The following ATRAID variants were observed in gnomAD, a reference collection of about 807,000 sequenced individuals.
ATRAID encodes the protein all-trans retinoic acid-induced differentiation factor.
A neutral mutation model predicts 28.8 loss-of-function variants in ATRAID; 26 were observed. The ratio of observed to expected loss-of-function variants is 0.90; its 90% CI spans 0.66 to 1.25. ATRAID has a LOEUF of 1.25. ATRAID is among the 50% of genes most tolerant of loss of function. The pLI, the probability that ATRAID is intolerant of heterozygous loss-of-function variation, is 0.00. For missense variants in ATRAID, 308 were observed against 285.9 expected (o/e 1.08, Z -0.56); for synonymous variants, 131 against 108.5 (o/e 1.21, Z -1.29).
chr2:27,216,668 A>G (rs1214202967), intron 6 of ATRAID, 48 bp downstream of exon 6: 1 of 1,542,902 alleles, frequency 6.5e-7, no homozygotes, highest in Non-Finnish European at 9.0e-7. Flanking sequence ...TGCATAGAGC[A>G]AGTCTTCTCA....
At position 27,217,036 on chromosome 2, in the gene ATRAID, G is replaced by C. The variant is rs1462637439; in HGVS notation, c.*88G>C. The C allele has an allele frequency of 8.3e-7, 1 of 1,211,764 alleles. No homozygotes were observed. Among genetic ancestry groups the C allele is most frequent in the Non-Finnish European group, 1.2e-6 (1 of 868,644 alleles). 75.1% of individuals were successfully genotyped at this position (1,211,764 alleles called of 1,614,324 possible). On this transcript the variant is annotated 3_prime_UTR_variant, in exon 7 of 7. Transcript: ENST00000380171. ...TCTGCTTCCTAGAAAGGCATCTTTC[G>C]CCAGTGGATTCGCCTCAAGGTTGAG...
chr2:27,215,798 C>G (rs1221749606), intron 5 of ATRAID, 45 bp downstream of exon 5: 28 of 1,601,788 alleles, frequency 1.7e-5, no homozygotes, highest in Non-Finnish European at 2.3e-5. Flanking sequence ...TCTTTTCTCC[C>G]TTGTATTTTC....
chr2:27,215,696 A>G lies in ATRAID; in HGVS notation c.430A>G (p.Ile144Val). Residue 144 changes from isoleucine (I) to valine (V), a missense_variant, in exon 5 of 7, where the codon ATA becomes GTA. Physicochemically the swap from Ile to Val is conservative, Grantham distance 29. Transcript: ENST00000380171. Reference sequence around the variant, plus strand: ...TGCCTGGAATACTATCACCTCTTATATAGACAACCAAATCTGTCAAGGGCA... The same window carrying G: ...TGCCTGGAATACTATCACCTCTTATGTAGACAACCAAATCTGTCAAGGGCA... The part of the protein sequence containing the change: ...INAWNTITSY[I>V]DNQICQGQKN... The G allele has an allele frequency of 1.2e-6, 2 of 1,614,262 alleles. No individual in the cohort carries two copies. Among genetic ancestry groups the G allele is most frequent in the African/African-American group, 1.3e-5 (1 of 75,066 alleles).
chr2:27,214,049 G>A (rs911513321), intron 2 of ATRAID, among the ~76,000 whole-genome samples: 1 of 152,138 alleles, frequency 6.6e-6, no homozygotes, highest in African/African-American at 2.4e-5. Context: ...GGGTTCAAGC[G>A]ATTCAGTAAT....
At chr2:27,215,960 G>A (rs957907208) in intron 5 of ATRAID, among the ~76,000 whole-genome samples, 11 of 152,246 alleles carry the variant, frequency 7.2e-5, no homozygotes, top group African/African-American at 2.4e-4. Context: ...CTTTGTGTGA[G>A]CAACAAGGCT....
At position 27,216,515 on chromosome 2, in the gene ATRAID, G is replaced by A. The variant is rs755631465; in HGVS notation, c.488-8G>A. On this transcript the variant is annotated splice_polypyrimidine_tract_variant and splice_region_variant and intron_variant, in intron 5 of 6. Transcript: ENST00000380171. Reference sequence around the variant, plus strand: ...AAGTGATGTTCTCTATTTCTCTCTGGCCTCCAGAAATGTGTCCTGAGAATG... The same window carrying A: ...AAGTGATGTTCTCTATTTCTCTCTGACCTCCAGAAATGTGTCCTGAGAATG... 1.1e-5 allele frequency: 17 copies of A among 1,602,752 alleles called. 1 individual carries two copies. In the Admixed American group the frequency reaches 2.7e-4, roughly 25 times the overall value.
chr2:27,216,586 C>A lies in ATRAID; in HGVS notation c.551C>A (p.Ala184Asp). 1 of 1,614,088 alleles carries A rather than the reference C, an allele frequency of 6.2e-7. No individual in the cohort carries two copies. The highest frequency in any genetic ancestry group is 1.1e-5 in the South Asian group (1 of 91,084). ...DGPGLLQCVC[A>D]DGFHGYKCMR... ...CCAGGTCTTTTGCAGTGTGTTTGTG[C>A]TGATGGTTTCCATGGATACAAGTGT... is the stretch of plus-strand genomic sequence containing the variant. Residue 184 changes from alanine (A) to aspartate (D), a missense_variant, in exon 6 of 7, where the codon GCT (alanine) becomes GAT (aspartate). By Grantham distance (126) the Ala-to-Asp change is moderately radical. Transcript: ENST00000380171.
chr2:27,216,294 C>T, intron 5 of ATRAID: 1 of 519,898 alleles, frequency 1.9e-6, no homozygotes, highest in South Asian at 2.2e-5. Flanking sequence ...TTTTGTGGAT[C>T]TTCAGTTGCT....
chr2:27,214,113 C>T (rs1674734489), intron 2 of ATRAID, among the ~76,000 whole-genome samples: 2 of 152,260 alleles, frequency 1.3e-5, no homozygotes, highest in South Asian at 2.1e-4. Flanking sequence ...TATATTTATA[C>T]ACTGTCCTGT....
rs1436153094 is a variant in ATRAID at position 27,212,445 on chromosome 2, A to G, written c.77A>G (p.Glu26Gly). ...GCCCTGCTCCTCGCTCTGGGCGTGG[A>G]AAGGGCTCTGGCGCTACCCGAGGTA... ...AAALLLALGV[E>G]RALALPEICT... The change falls in exon 1 of 7, where the codon GAA becomes GGA. Residue 26 changes from glutamate to glycine, a missense_variant. Physicochemically the swap from Glu to Gly is moderately conservative, Grantham distance 98. Transcript: ENST00000380171. The G allele has an allele frequency of 3.2e-6, 5 of 1,563,208 alleles. No individual in the cohort carries two copies. The highest frequency in any genetic ancestry group is 2.7e-5 in the African/African-American group (2 of 73,178).
At position 27,212,269 on chromosome 2, in the gene ATRAID, G is replaced by A. The variant is rs1438640604; in HGVS notation, c.-100G>A. On this transcript the variant is annotated 5_prime_UTR_variant, in exon 1 of 7. Coordinates refer to ENST00000380171, the MANE Select transcript of ATRAID (RefSeq NM_001170795.4). Reference sequence around the variant, plus strand: ...CAAGCAGCCCCAGGGCGACTGGACCGGGCCGCTTAGGCCACGCCCGGGGAA... The same window carrying A: ...CAAGCAGCCCCAGGGCGACTGGACCAGGCCGCTTAGGCCACGCCCGGGGAA... The A allele has an allele frequency of 1.3e-6, 2 of 1,555,794 alleles. No homozygotes were observed. Among genetic ancestry groups the A allele is most frequent in the South Asian group, 1.2e-5 (1 of 84,434 alleles).
At chr2:27,213,648 A>C (rs2148043111) in intron 2 of ATRAID, among the ~76,000 whole-genome samples, 1 of 152,270 alleles carries the variant, frequency 6.6e-6, no homozygotes, top group South Asian at 2.1e-4. Context: ...TCTTGCTTTA[A>C]TACTATATTT....
At chr2:27,214,952 AT>A (rs36109859) in intron 2 of ATRAID, among the ~76,000 whole-genome samples, 86,145 of 152,000 alleles carry the variant, frequency 0.57, 27,941 homozygotes, top group East Asian at 0.86. Flanking sequence ...GAGACACTGA[AT>A]TTTTAGGTTA....
Position 27,215,613 on chromosome 2 carries a change from T to C in ATRAID, c.366-19T>C, listed in dbSNP as rs1365993626. 9 of 1,614,232 alleles carry C rather than the reference T, an allele frequency of 5.6e-6. No individual in the cohort carries two copies. In the Admixed American group the frequency reaches 6.7e-5, roughly 12 times the overall value. The stretch of plus-strand genomic sequence containing the variant: ...GTGAGTTTAGCAACTTTGCATGTTA[T>C]GACCACATTTCTCTATAGGATACTG... On this transcript the variant is annotated intron_variant, in intron 4 of 6. Coordinates refer to ENST00000380171, the MANE Select transcript of ATRAID (RefSeq NM_001170795.4).
chr2:27,214,449 T>G (rs1233287612), intron 2 of ATRAID, among the ~76,000 whole-genome samples: 1 of 152,080 alleles, frequency 6.6e-6, no homozygotes, highest in Non-Finnish European at 1.5e-5. Context: ...CCTCTGTGGA[T>G]CTGAAAATCA....
In ATRAID at chr2:27,214,985, T is replaced by G. The variant is rs143804458; in HGVS notation, c.222-336T>G. 5.9e-3 allele frequency among the ~76,000 whole-genome samples: 891 copies of G among 152,140 alleles called. 5 individuals carry two copies. The highest frequency in any genetic ancestry group is 0.02 in the African/African-American group (840 of 41,502). ...GTTAAATTAATTTTCTTCTATAGAGTCAGGGTCTCATTCATATTGCCCAGG... is the reference window on the plus strand; with the variant it reads ...GTTAAATTAATTTTCTTCTATAGAGGCAGGGTCTCATTCATATTGCCCAGG... On this transcript the variant is annotated intron_variant, in intron 2 of 6. Transcript: ENST00000380171.
intron 2 of ATRAID, among the ~76,000 whole-genome samples, 189 bp from the exon 3 acceptor site, chr2:27,215,132 A>G (rs1248794636): frequency 6.6e-6 from 1 of 152,168 alleles, no homozygotes; most frequent in Non-Finnish European, 1.5e-5. Context: ...AAGTAGTTAC[A>G]TGTGGCAAGT....
chr2:27,216,343 T>TA (rs1405311494), intron 5 of ATRAID, 180 bp from the exon 6 acceptor site: 1 of 607,650 alleles, frequency 1.6e-6, no homozygotes, highest in African/African-American at 1.8e-5. Context: ...TCACAGGGGA[T>TA]ATGATAGCTT....
At position 27,213,193 on chromosome 2, in the gene ATRAID, C is replaced by A. The variant is rs377389335; in HGVS notation, c.116C>A (p.Pro39Gln). ...LALPEICTQC[P>Q]GSVQNLSKVA... The stretch of plus-strand genomic sequence containing the variant: ...CTTCTGCAGATATGCACCCAATGTC[C>A]AGGGAGCGTGCAAAATTTGTCAAAA... Residue 39 changes from proline to glutamine, a missense_variant, in exon 2 of 7, where the codon CCA (proline) becomes CAA (glutamine). Coordinates refer to ENST00000380171, the MANE Select transcript of ATRAID (RefSeq NM_001170795.4). 175 of 1,613,938 alleles carry A rather than the reference C, an allele frequency of 1.1e-4. No homozygotes were observed. Among genetic ancestry groups the A allele is most frequent in the Non-Finnish European group, 1.4e-4 (171 of 1,179,988 alleles).
Sources: gnomAD v4.1 joint callset for allele counts (sites outside exome capture counted in the v4.1 genomes callset) on GRCh38, gnomAD v4.1.1 for gene constraint, MANE v1.5 for transcripts, NCBI Gene and HGNC (gene_info 2026-07-23, HGNC 2026-07-21) for gene names.